The following NAV3 variants were observed in gnomAD, a reference collection of about 807,000 sequenced individuals.
NAV3 encodes the protein neuron navigator 3.
NAV3 carries 87 observed loss-of-function variants against 244.7 expected under a neutral mutation model. The ratio of observed to expected loss-of-function variants is 0.36; its 90% CI spans 0.30 to 0.42. The LOEUF is 0.42. NAV3 is among the 20% of genes least tolerant of loss of function. The pLI is 1.00. For missense variants in NAV3, 2,663 were observed against 2,893.3 expected, an observed-to-expected ratio of 0.92 and a Z score of 1.83; for synonymous variants, 1,126 against 1,042.2, an observed-to-expected ratio of 1.08 and a Z score of -1.55.
intron 1 of NAV3, among the ~76,000 whole-genome samples, chr12:77,925,539 C>G (rs1479026): frequency 0.11 from 11,605 of 103,560 alleles, 598 homozygotes; most frequent in South Asian, 0.23. Flanking sequence ...GATGAAAAGG[C>G]GGGGGGAGGT....
intron 7 of NAV3, among the ~76,000 whole-genome samples, chr12:78,003,227 T>C (rs1252138664): frequency 6.6e-6 from 1 of 150,912 alleles, no homozygotes; most frequent in Non-Finnish European, 1.5e-5. Flanking sequence ...CATATTTAGA[T>C]TTGACTGCCA....
intron 1 of NAV3, 50 bp downstream of exon 1, chr12:77,831,754 C>T (rs1434946010): frequency 2.0e-6 from 3 of 1,535,020 alleles, no homozygotes; most frequent in Non-Finnish European, 2.6e-6. Context: ...ATGCACATTT[C>T]TCTTTAAGTG....
intron 24 of NAV3, among the ~76,000 whole-genome samples, chr12:78,169,672 A>T (rs1485990167): frequency 1.3e-5 from 2 of 151,674 alleles, no homozygotes; most frequent in Non-Finnish European, 1.5e-5. Context: ...AAGTCTTTCA[A>T]TGTCTTCAGC....
chr12:78,128,655 T>C, intron 17 of NAV3, 51 bp from the exon 18 acceptor site: 4 of 1,557,442 alleles, frequency 2.6e-6, no homozygotes, highest in Non-Finnish European at 3.5e-6. Flanking sequence ...GTCCTGGCAT[T>C]GCCTTGCCCT....
At chr12:77,940,861 T>C (rs1719437383) in intron 2 of NAV3, among the ~76,000 whole-genome samples, 1 of 152,124 alleles carries the variant, frequency 6.6e-6, no homozygotes, top group African/African-American at 2.4e-5. Flanking sequence ...TAGCAGCAAC[T>C]TCCTTCTCAC....
intron 2 of NAV3, among the ~76,000 whole-genome samples, chr12:77,692,254 C>T (rs915962276): frequency 6.6e-6 from 1 of 151,852 alleles, no homozygotes; most frequent in Non-Finnish European, 1.5e-5. Context: ...TTTTAATGTT[C>T]CATGAGGAAT....
At chr12:77,883,209 C>T (rs111296604) in intron 1 of NAV3, among the ~76,000 whole-genome samples, 1 of 152,088 alleles carries the variant, frequency 6.6e-6, no homozygotes, top group Non-Finnish European at 1.5e-5. Context: ...TGTCCATAAA[C>T]AGTGGATTGG....
intron 7 of NAV3, among the ~76,000 whole-genome samples, chr12:78,005,899 C>T (rs546528122): frequency 1.6e-3 from 239 of 152,078 alleles, no homozygotes; most frequent in African/African-American, 2.3e-3. Context: ...TAGAATAAAG[C>T]GAAATATCAT....
At chr12:77,767,752 AG>A (rs1340144608) in intron 2 of NAV3, among the ~76,000 whole-genome samples, 2 of 152,172 alleles carry the variant, frequency 1.3e-5, no homozygotes, top group South Asian at 2.1e-4. Flanking sequence ...AGCCCCAAAG[AG>A]GGGGTCATAG....
At chr12:78,039,632 T>C (rs1221776231) in intron 9 of NAV3, among the ~76,000 whole-genome samples, 1 of 152,096 alleles carries the variant, frequency 6.6e-6, no homozygotes, top group African/African-American at 2.4e-5. Flanking sequence ...ACAGATTTGA[T>C]TTCCTATTGA....
At chr12:78,187,418 A>G (rs1209031889) in intron 31 of NAV3, among the ~76,000 whole-genome samples, 1 of 151,888 alleles carries the variant, frequency 6.6e-6, no homozygotes, top group Non-Finnish European at 1.5e-5. Context: ...TAATATGTCA[A>G]CTATCTAATT....
Position 77,635,471 on chromosome 12 carries a change from T to G in NAV3, c.72+63205T>G, listed in dbSNP as rs183523410. ...AATATATGTAGATAAACTTTTCTCC[T>G]GAAATCTTTATATGTTTTTAAAGGT... On this transcript the variant is annotated intron_variant, in intron 2 of 8. Coordinates refer to the NAV3 transcript ENST00000550042. Among the ~76,000 whole-genome samples the G allele has an allele frequency of 5.2e-4, 79 of 152,334 alleles. 2 individuals carry two copies. The highest frequency in any genetic ancestry group is 3.1e-3 in the South Asian group (15 of 4,832).
At position 78,006,565 on chromosome 12, in the gene NAV3, G is replaced by A; in HGVS notation, c.1027G>A (p.Ala343Thr). 1 of 1,614,024 alleles carries A rather than the reference G, an allele frequency of 6.2e-7. No homozygotes were observed. The highest frequency in any genetic ancestry group is 8.5e-7 in the Non-Finnish European group (1 of 1,180,026). Reference sequence around the variant, plus strand: ...CAAGTCCATGAATGTCAAACACAGTGCCACCTCCACCATGTTGACTGTAAA... The same window carrying A: ...CAAGTCCATGAATGTCAAACACAGTACCACCTCCACCATGTTGACTGTAAA... ...RSKSMNVKHS[A>T]TSTMLTVKQS... The change falls in exon 8 of 40, where the codon GCC becomes ACC. Residue 343 changes from alanine to threonine, a missense_variant. Around this residue, in one of 6 missense-constraint regions of NAV3, gnomAD observed 1,521 missense variants for 1,497.0 expected, o/e 1.02. Transcript: ENST00000397909.
At chr12:77,628,697 A>G (rs1486727035) in intron 2 of NAV3, among the ~76,000 whole-genome samples, 1 of 151,920 alleles carries the variant, frequency 6.6e-6, no homozygotes, top group Non-Finnish European at 1.5e-5. Flanking sequence ...CAGCCTGGGC[A>G]ACATGGTGAA....
intron 5 of NAV3, among the ~76,000 whole-genome samples, chr12:77,992,168 A>C (rs1462896035): frequency 2.0e-5 from 3 of 152,336 alleles, no homozygotes; most frequent in African/African-American, 7.2e-5. Flanking sequence ...CTATTTGAGA[A>C]TAATATCAAG....
At chr12:78,110,884 G>A (rs1482426598) in intron 12 of NAV3, among the ~76,000 whole-genome samples, 1 of 152,010 alleles carries the variant, frequency 6.6e-6, no homozygotes, top group South Asian at 2.1e-4. Flanking sequence ...GGTTGAAACT[G>A]GAGTTCATTA....
At position 78,119,263 on chromosome 12, in the gene NAV3, G is replaced by C. The variant is rs775091711; in HGVS notation, c.3067G>C (p.Glu1023Gln). Residue 1023 changes from glutamate to glutamine, a missense_variant, in exon 15 of 40, where the codon GAG becomes CAG. Glu to Gln is a conservative substitution (Grantham distance 29, BLOSUM62 2). This residue lies in a region of NAV3 where 1,521 missense variants were observed against 1,497.0 expected (regional missense o/e 1.02). Transcript: ENST00000397909. ...PGKTDDAKAS[E>Q]KGKAPLKGSS... ...GAAAACCGATGATGCCAAAGCTTCT[G>C]AGAAAGGAAAAGCTCCCCTAAAAGG... 6.2e-7 allele frequency: 1 copy of C among 1,613,070 alleles called. No individual in the cohort carries two copies. Among genetic ancestry groups the C allele is most frequent in the Non-Finnish European group, 8.5e-7 (1 of 1,179,706 alleles).
chr12:77,849,331 G>A (rs1371078782), intron 1 of NAV3, among the ~76,000 whole-genome samples: 6 of 152,094 alleles, frequency 3.9e-5, no homozygotes, highest in Non-Finnish European at 7.4e-5. Flanking sequence ...CGCAAAAAGA[G>A]CCATCCTAGA....
intron 2 of NAV3, among the ~76,000 whole-genome samples, chr12:77,644,887 C>G (rs1872551718): frequency 6.6e-6 from 1 of 152,034 alleles, no homozygotes; most frequent in African/African-American, 2.4e-5. Context: ...AATTTTAAGT[C>G]AAAGGCATAC....
Sources: allele counts gnomAD v4.1 joint callset (sites outside exome capture counted in the v4.1 genomes callset), GRCh38; gene constraint gnomAD v4.1.1; regional missense constraint gnomAD v4.1.1; transcripts MANE v1.5; gene names NCBI Gene and HGNC (gene_info 2026-07-23, HGNC 2026-07-21).